CALN1: variants seen among roughly 807,000 people sequenced by gnomAD.
The protein encoded by CALN1 is calcium-binding protein 8.
Under a neutral mutation model 30.6 loss-of-function variants are expected in CALN1, and 17 were observed. That is an observed-to-expected ratio of 0.56 (90% confidence interval 0.38 to 0.83). The LOEUF is 0.83. Ranked by LOEUF, CALN1 falls within the 40% of genes least tolerant of loss-of-function variation. The probability of loss-of-function intolerance (pLI) is 0.00; values close to 1 mark genes in which losing one functional copy is unlikely to be tolerated. For missense variants in CALN1, 291 were observed against 354.9 expected, an observed-to-expected ratio of 0.82 and a Z score of 1.45; for synonymous variants, 156 against 131.4, an observed-to-expected ratio of 1.19 and a Z score of -1.28.
intron 3 of CALN1, among the ~76,000 whole-genome samples, chr7:72,192,625 TTTA>T (rs140672013): frequency 0.019 from 2,794 of 143,744 alleles, 38 homozygotes; most frequent in Non-Finnish European, 0.027. Flanking sequence ...TCCCATTTCT[TTTA>T]TTATTATTAT....
intron 4 of CALN1, among the ~76,000 whole-genome samples, chr7:72,051,245 T>C (rs1455343807): frequency 6.6e-6 from 1 of 151,660 alleles, no homozygotes; most frequent in Non-Finnish European, 1.5e-5. Context: ...ACAAATCGAA[T>C]CCAGAAAGAA....
At chr7:72,414,112 G>C (rs1376645894), upstream of CALN1, among the ~76,000 whole-genome samples, 4 of 152,192 alleles carry the variant, frequency 2.6e-5, no homozygotes, top group Admixed American at 6.5e-5. Flanking sequence ...GGAGCAGTGA[G>C]GTATGAGACG....
chr7:72,409,836 G>A (rs1240445763), intron 1 of CALN1, among the ~76,000 whole-genome samples: 1 of 152,042 alleles, frequency 6.6e-6, no homozygotes, highest in South Asian at 2.1e-4. Flanking sequence ...TAACCACGTT[G>A]GGCATCAAGT....
At position 71,836,313 on chromosome 7, in the gene CALN1, G is replaced by A. The variant is rs549324269; in HGVS notation, c.502-25821C>T. ...TGCAATTTCCAAGGGCAAGAGTAAC[G>A]ACACGATGGGGGCAGGGAGCAGCTC... On this transcript the variant is annotated intron_variant, in intron 5 of 6. Coordinates refer to ENST00000395275, the MANE Select transcript of CALN1 (RefSeq NM_031468.4). 9.2e-5 allele frequency among the ~76,000 whole-genome samples: 14 copies of A among 152,278 alleles called. No homozygotes were observed. The East Asian group carries it at 1.4e-3, about 15-fold the overall frequency.
intron 6 of CALN1, among the ~76,000 whole-genome samples, chr7:71,798,124 AGAGAGAGAGAG>A (rs2116008855): frequency 5.3e-5 from 1 of 18,966 alleles, no homozygotes; most frequent in East Asian, 1.3e-3. Context: ...AGACAGAGAC[AGAGAGAGAGAG>A]AGAGAGAGAG....
In CALN1 at chr7:71,824,527, G is replaced by A. The variant is rs530172072; in HGVS notation, c.502-14035C>T. 4.6e-5 allele frequency among the ~76,000 whole-genome samples: 7 copies of A among 152,248 alleles called. No individual in the cohort carries two copies. In the South Asian group the frequency reaches 1.5e-3, roughly 32 times the overall value. ...CAGAGCTCGCTGCTGGCTGCCGGCT[G>A]CCTTGTGAGGCCTTTGCTCCATTTT... On this transcript the variant is annotated intron_variant, in intron 5 of 6. Coordinates refer to ENST00000395275, the MANE Select transcript of CALN1 (RefSeq NM_031468.4).
intron 2 of CALN1, among the ~76,000 whole-genome samples, chr7:72,293,220 G>T (rs570324674): frequency 5.9e-5 from 9 of 152,316 alleles, no homozygotes; most frequent in South Asian, 2.1e-4. Context: ...AGAGATTAGA[G>T]ATGGCAGCAA....
intron 4 of CALN1, among the ~76,000 whole-genome samples, chr7:72,096,060 G>C (rs546851710): frequency 1.3e-5 from 2 of 151,680 alleles, no homozygotes; most frequent in African/African-American, 4.8e-5. Context: ...TAGATAGATA[G>C]ATAGATAGAT....
chr7:72,303,365 C>A (rs1799426433), intron 2 of CALN1, among the ~76,000 whole-genome samples: 1 of 151,986 alleles, frequency 6.6e-6, no homozygotes, highest in African/African-American at 2.4e-5. Context: ...GAGTTCAAGA[C>A]CAGCCTGACC....
chr7:72,133,627 A>C (rs1349896471), intron 3 of CALN1, among the ~76,000 whole-genome samples: 2 of 152,192 alleles, frequency 1.3e-5, no homozygotes, highest in Non-Finnish European at 2.9e-5. Context: ...GTATTTTCCC[A>C]CTGAACACTA....
chr7:71,853,462 C>G (rs962284654), intron 5 of CALN1, among the ~76,000 whole-genome samples: 1 of 151,988 alleles, frequency 6.6e-6, no homozygotes, highest in African/African-American at 2.4e-5. Context: ...CATTTAAAAT[C>G]TCTCCGCAAT....
At chr7:72,257,974 G>A (rs751228309) in intron 3 of CALN1, among the ~76,000 whole-genome samples, 2 of 152,088 alleles carry the variant, frequency 1.3e-5, no homozygotes, top group African/African-American at 2.4e-5. Flanking sequence ...GGGAAGAGTG[G>A]GAGGGGAGTG....
At chr7:72,268,687 C>T (rs1796752460) in intron 3 of CALN1, among the ~76,000 whole-genome samples, 1 of 151,902 alleles carries the variant, frequency 6.6e-6, no homozygotes, top group Admixed American at 6.6e-5. Context: ...GTCCTAGCTA[C>T]TCGGGAGGCC....
chr7:72,305,032 C>T (rs980068099), intron 2 of CALN1, among the ~76,000 whole-genome samples: 1 of 152,192 alleles, frequency 6.6e-6, no homozygotes, highest in African/African-American at 2.4e-5. Context: ...GCTACAGTGA[C>T]CTGCAGCCTC....
rs572425394 is a variant in CALN1, at chr7:72,353,022, T to C, written c.119+50229A>G. ...GAAAAATTCTTTTAAGAAACACAAA[T>C]TACCAAAATAGACCCATGGAGATAT... On this transcript the variant is annotated intron_variant, in intron 2 of 6. Transcript: ENST00000395275. Among the ~76,000 whole-genome samples the C allele has an allele frequency of 4.3e-4, 66 of 152,240 alleles. 1 individual carries two copies. Among genetic ancestry groups the C allele is most frequent in the African/African-American group, 1.5e-3 (63 of 41,536 alleles).
intron 6 of CALN1, among the ~76,000 whole-genome samples, chr7:71,793,916 G>A (rs1457057688): frequency 2.6e-5 from 4 of 152,134 alleles, no homozygotes; most frequent in African/African-American, 7.2e-5. Flanking sequence ...ATCTTCTTGT[G>A]GAGATTATGC....
chr7:72,485,141 G>C, the CALN1 span, among the ~76,000 whole-genome samples: 1 of 152,172 alleles, frequency 6.6e-6, no homozygotes, highest in Non-Finnish European at 1.5e-5. Context: ...TGTAGTCCTA[G>C]CTTCTTGGGA....
At chr7:72,345,633 T>C (rs947728414) in intron 2 of CALN1, among the ~76,000 whole-genome samples, 26 of 151,460 alleles carry the variant, frequency 1.7e-4, no homozygotes, top group African/African-American at 4.9e-4. Flanking sequence ...GAAGGAGAAT[T>C]CTTGGGAAAT....
chr7:72,171,590 T>C (rs546067573), intron 3 of CALN1, among the ~76,000 whole-genome samples: 1 of 152,330 alleles, frequency 6.6e-6, no homozygotes, highest in South Asian at 2.1e-4. Context: ...TAGCCTCGTA[T>C]GTTCTCAGTA....
Sources: allele counts gnomAD v4.1 joint callset (sites outside exome capture counted in the v4.1 genomes callset), GRCh38; gene constraint gnomAD v4.1.1; transcripts MANE v1.5; gene names NCBI Gene and HGNC (gene_info 2026-07-23, HGNC 2026-07-21).